Variants in PRKD3 observed in about 807,000 individuals in gnomAD.
PRKD3 encodes the protein serine/threonine-protein kinase D3.
PRKD3 carries 47 observed loss-of-function variants against 99.2 expected under a neutral mutation model. The ratio of observed to expected loss-of-function variants is 0.47; its 90% CI spans 0.38 to 0.60. The LOEUF is 0.60. Ranked by LOEUF, PRKD3 falls within the 20% of genes least tolerant of loss-of-function variation. The pLI, the probability that PRKD3 is intolerant of heterozygous loss-of-function variation, is 0.00. For synonymous variants in PRKD3, 392 were observed against 355.4 expected, an observed-to-expected ratio of 1.10 and a Z score of -1.16; for missense variants, 1,019 against 1,088.4, an observed-to-expected ratio of 0.94 and a Z score of 0.90.
intron 4 of PRKD3, 121 bp downstream of exon 4, chr2:37,290,747 C>A: frequency 8.9e-7 from 1 of 1,126,390 alleles, no homozygotes; most frequent in East Asian, 2.5e-5. Context: ...CTGATCTCTC[C>A]AATTCTAAAT....
chr2:37,278,224 C>CAA, intron 8 of PRKD3: 64 of 203,298 alleles, frequency 3.1e-4, no homozygotes, highest in Middle Eastern at 1.8e-3. Context: ...TGGAGGGCCA[C>CAA]AAAAAAAAAA....
intron 1 of PRKD3, among the ~76,000 whole-genome samples, chr2:37,320,171 T>C (rs1671819782): frequency 6.6e-6 from 1 of 152,176 alleles, no homozygotes; most frequent in Non-Finnish European, 1.5e-5. Context: ...AACAAGAATT[T>C]TAGAGAAGCT....
chr2:37,259,472 G>GT, intron 16 of PRKD3, 111 bp downstream of exon 16: 1 of 636,916 alleles, frequency 1.6e-6, no homozygotes, highest in Non-Finnish European at 2.6e-6. Context: ...AACTATTTTT[G>GT]TAAGGTGGTA....
chr2:37,316,911 T>G lies in PRKD3; in HGVS notation c.-387A>C. On this transcript the variant is annotated 5_prime_UTR_variant, in exon 2 of 19. Transcript: ENST00000234179. Reference sequence around the variant, plus strand: ...AAATACATATTGAATAAAAGTTGTTTTTCTGTCAAGGTGAAATCCTCTTCG... The same window carrying G: ...AAATACATATTGAATAAAAGTTGTTGTTCTGTCAAGGTGAAATCCTCTTCG... 1 of 1,006,832 alleles carries G rather than the reference T, an allele frequency of 9.9e-7. No individual in the cohort carries two copies. Among genetic ancestry groups the G allele is most frequent in the Non-Finnish European group, 1.2e-6 (1 of 843,722 alleles). The allele number at this position is 1,006,832 out of a possible 1,614,324, so 62.4% of individuals were successfully genotyped here.
chr2:37,272,055 T>A (rs765571569), intron 12 of PRKD3, among the ~76,000 whole-genome samples: 22 of 152,182 alleles, frequency 1.4e-4, no homozygotes, highest in Non-Finnish European at 3.1e-4. Flanking sequence ...TTCCATCCTT[T>A]CAGGTATAGC....
chr2:37,308,406 A>ATT (rs1229671701), intron 2 of PRKD3, among the ~76,000 whole-genome samples: 5 of 152,142 alleles, frequency 3.3e-5, no homozygotes, highest in Admixed American at 3.3e-4. Flanking sequence ...TTCACCTTTA[A>ATT]TCACTGAAAT....
chr2:37,312,542 T>C (rs916214488), intron 2 of PRKD3, among the ~76,000 whole-genome samples: 1 of 152,210 alleles, frequency 6.6e-6, no homozygotes, highest in Non-Finnish European at 1.5e-5. Flanking sequence ...ACAGTCTATT[T>C]AGTGCCATAT....
chr2:37,314,976 T>C (rs1318189877), intron 2 of PRKD3, among the ~76,000 whole-genome samples: 1 of 141,130 alleles, frequency 7.1e-6, no homozygotes. Flanking sequence ...TAGGTCATTT[T>C]CACAAACTGC....
rs1233414593 is a variant in PRKD3, at chr2:37,301,585, C to G, written c.289-8314G>C. Among the ~76,000 whole-genome samples the G allele has an allele frequency of 3.3e-5, 5 of 152,234 alleles. No individual in the cohort carries two copies. The East Asian group carries it at 9.6e-4, about 29-fold the overall frequency. On this transcript the variant is annotated intron_variant, in intron 2 of 18. Coordinates refer to ENST00000234179, the MANE Select transcript of PRKD3 (RefSeq NM_005813.6). The stretch of plus-strand genomic sequence containing the variant: ...AAGTGCTGAGATTATAGGCACGAGT[C>G]ACCTTTCCTGGCCCTTAATTACATT...
intron 12 of PRKD3, among the ~76,000 whole-genome samples, 173 bp downstream of exon 12, chr2:37,272,207 T>A (rs1669312243): frequency 1.3e-5 from 2 of 152,198 alleles, no homozygotes; most frequent in Non-Finnish European, 2.9e-5. Flanking sequence ...TTTTTAATTT[T>A]AAAAATCTGC....
At chr2:37,313,075 G>C (rs1265932831) in intron 2 of PRKD3, among the ~76,000 whole-genome samples, 1 of 152,186 alleles carries the variant, frequency 6.6e-6, no homozygotes, top group Non-Finnish European at 1.5e-5. Context: ...AAGATACTCT[G>C]ATCAGATGCA....
At position 37,264,157 on chromosome 2, in the gene PRKD3, T is replaced by A. The variant is rs188065229; in HGVS notation, c.1884+3273A>T. Among the ~76,000 whole-genome samples the A allele has an allele frequency of 5.1e-3, 771 of 152,226 alleles. 7 individuals are homozygous for A. The highest frequency in any genetic ancestry group is 8.8e-3 in the Non-Finnish European group (597 of 68,020). ...AACATCCTCCCTAGATGTGGCCAGGTTGACAGTTTATGTAGGCATGGCTCT... is the reference window on the plus strand; with the variant it reads ...AACATCCTCCCTAGATGTGGCCAGGATGACAGTTTATGTAGGCATGGCTCT... On this transcript the variant is annotated intron_variant, in intron 14 of 18. Transcript: ENST00000234179.
intron 2 of PRKD3, among the ~76,000 whole-genome samples, chr2:37,311,341 T>C (rs1178076572): frequency 2.0e-5 from 3 of 152,228 alleles, no homozygotes; most frequent in African/African-American, 4.8e-5. Context: ...ATCTACCTTA[T>C]ATTAGGGCAA....
chr2:37,271,934 T>C (rs2148532722), intron 12 of PRKD3, among the ~76,000 whole-genome samples: 1 of 152,310 alleles, frequency 6.6e-6, no homozygotes, highest in South Asian at 2.1e-4. Context: ...TATTCATAAT[T>C]CCTTAAGAGT....
At chr2:37,256,533 G>T in intron 17 of PRKD3, 129 bp downstream of exon 17, 2 of 1,205,134 alleles carry the variant, frequency 1.7e-6, no homozygotes, top group Non-Finnish European at 2.2e-6. Context: ...AGTTGAATTT[G>T]GAAGATGAAT....
At chr2:37,284,197 T>C (rs1024818955) in intron 6 of PRKD3, among the ~76,000 whole-genome samples, 2 of 152,154 alleles carry the variant, frequency 1.3e-5, no homozygotes, top group Non-Finnish European at 2.9e-5. Flanking sequence ...GACTGACAAA[T>C]GAAAATATTT....
At chr2:37,309,785 T>G (rs897395269) in intron 2 of PRKD3, among the ~76,000 whole-genome samples, 3 of 147,602 alleles carry the variant, frequency 2.0e-5, no homozygotes, top group African/African-American at 5.0e-5. Flanking sequence ...GAGTCGGAAG[T>G]TGCAGTGAGC....
chr2:37,271,693 G>A (rs944957949), intron 12 of PRKD3, among the ~76,000 whole-genome samples: 2 of 152,198 alleles, frequency 1.3e-5, no homozygotes, highest in African/African-American at 4.8e-5. Flanking sequence ...GAGGGATCTA[G>A]GTTGTGTGTT....
intron 2 of PRKD3, 103 bp downstream of exon 2, chr2:37,316,134 A>G: frequency 1.7e-6 from 2 of 1,192,416 alleles, no homozygotes; most frequent in Non-Finnish European, 1.2e-6. Context: ...CACAGAATAA[A>G]CTACTGATGG....
Sources: allele counts gnomAD v4.1 joint callset (sites outside exome capture counted in the v4.1 genomes callset), GRCh38; gene constraint gnomAD v4.1.1; transcripts MANE v1.5; gene names NCBI Gene and HGNC (gene_info 2026-07-23, HGNC 2026-07-21).